The following DLG2 variants were observed in gnomAD, a reference collection of about 807,000 sequenced individuals.
DLG2 encodes disks large homolog 2.
In DLG2, 45 loss-of-function variants were observed where a neutral mutation model predicts 132.5. The observed-to-expected ratio is 0.34, with a 90% CI of 0.27 to 0.44. The LOEUF is 0.44. Ranked by LOEUF, DLG2 falls within the 20% of genes least tolerant of loss-of-function variation. The pLI is 1.00. For missense variants in DLG2, 1,045 were observed against 1,196.9 expected, an observed-to-expected ratio of 0.87 and a Z score of 1.87; for synonymous variants, 424 against 419.6, an observed-to-expected ratio of 1.01 and a Z score of -0.13.
chr11:83,510,152 G>C (rs2094930253), intron 21 of DLG2, among the ~76,000 whole-genome samples: 2 of 152,062 alleles, frequency 1.3e-5, no homozygotes, highest in Admixed American at 6.5e-5. Flanking sequence ...TGACCCTGAT[G>C]GTTCTTTACA....
intron 4 of DLG2, among the ~76,000 whole-genome samples, chr11:85,218,717 A>G (rs1451744912): frequency 2.0e-5 from 3 of 152,204 alleles, no homozygotes; most frequent in Non-Finnish European, 4.4e-5. Context: ...ATTACTAGGT[A>G]TATACCTAAA....
chr11:83,978,111 A>G (rs1406702570), intron 12 of DLG2, among the ~76,000 whole-genome samples: 2 of 152,088 alleles, frequency 1.3e-5, no homozygotes, highest in Admixed American at 1.3e-4. Context: ...ATATCAACAA[A>G]ATGGTAATAA....
chr11:84,367,111 T>C (rs976662191), intron 7 of DLG2, among the ~76,000 whole-genome samples: 1 of 152,062 alleles, frequency 6.6e-6, no homozygotes, highest in African/African-American at 2.4e-5. Context: ...TATAACAAAC[T>C]ATCTCTCAGA....
intron 18 of DLG2, among the ~76,000 whole-genome samples, chr11:83,686,541 C>T (rs2079809658): frequency 6.6e-6 from 1 of 152,034 alleles, no homozygotes; most frequent in South Asian, 2.1e-4. Context: ...AGCACCAGAA[C>T]AGGACTTGCC....
At chr11:84,917,333 G>GT (rs2092531316) in intron 6 of DLG2, among the ~76,000 whole-genome samples, 1 of 152,068 alleles carries the variant, frequency 6.6e-6, no homozygotes, top group African/African-American at 2.4e-5. Flanking sequence ...CAATTTTATT[G>GT]TTTACTTAAT....
At chr11:84,058,344 T>C (rs1307047154) in intron 11 of DLG2, among the ~76,000 whole-genome samples, 1 of 151,380 alleles carries the variant, frequency 6.6e-6, no homozygotes, top group Admixed American at 6.6e-5. Flanking sequence ...AAGAACAGAG[T>C]TCAAAGCATT....
chr11:84,017,645 C>A (rs374688082), intron 11 of DLG2, among the ~76,000 whole-genome samples: 11 of 152,098 alleles, frequency 7.2e-5, no homozygotes, highest in African/African-American at 2.6e-4. Context: ...GTGTTTCACA[C>A]AAAAATTACA....
chr11:84,877,750 A>T (rs571958733), intron 6 of DLG2, among the ~76,000 whole-genome samples: 2 of 152,142 alleles, frequency 1.3e-5, no homozygotes, highest in Admixed American at 1.3e-4. Context: ...TCTGCATAGC[A>T]AAAGAAACTG....
chr11:85,457,317 G>C (rs2092455374), intron 3 of DLG2, among the ~76,000 whole-genome samples: 1 of 151,406 alleles, frequency 6.6e-6, no homozygotes, highest in African/African-American at 2.4e-5. Context: ...CTTTGTTTTG[G>C]GCCTATGAAT....
chr11:85,287,762 T>G (rs1158596813), intron 3 of DLG2, among the ~76,000 whole-genome samples: 1 of 152,028 alleles, frequency 6.6e-6, no homozygotes, highest in Admixed American at 6.6e-5. Context: ...GTGAAATAGA[T>G]AAATTGTGAT....
chr11:85,518,459 A>G (rs2094212871), intron 3 of DLG2, among the ~76,000 whole-genome samples: 1 of 152,196 alleles, frequency 6.6e-6, no homozygotes, highest in South Asian at 2.1e-4. Context: ...TCAACTTAAG[A>G]GAGATGAATG....
At chr11:84,262,592 T>C (rs1001882903) in intron 7 of DLG2, among the ~76,000 whole-genome samples, 1 of 152,138 alleles carries the variant, frequency 6.6e-6, no homozygotes, top group Non-Finnish European at 1.5e-5. Flanking sequence ...GTAAGTTCTT[T>C]AGTGGTGATT....
intron 11 of DLG2, among the ~76,000 whole-genome samples, chr11:84,030,724 T>A (rs1333200546): frequency 6.6e-6 from 1 of 152,070 alleles, no homozygotes; most frequent in Non-Finnish European, 1.5e-5. Flanking sequence ...AAATATGTGA[T>A]AGACTAAGGT....
chr11:85,074,768 C>T (rs2066306736), intron 6 of DLG2, among the ~76,000 whole-genome samples: 2 of 151,760 alleles, frequency 1.3e-5, no homozygotes, highest in South Asian at 2.1e-4. Flanking sequence ...TGCTTTTGTG[C>T]GGAGGAACCA....
At position 83,514,538 on chromosome 11, in the gene DLG2, T is replaced by C. The variant is rs1221011837; in HGVS notation, c.2193+18170A>G. Among the ~76,000 whole-genome samples the C allele has an allele frequency of 5.3e-5, 8 of 152,190 alleles. No homozygotes were observed. In the South Asian group the frequency reaches 1.4e-3, roughly 28 times the overall value. On this transcript the variant is annotated intron_variant, in intron 21 of 27. Coordinates refer to ENST00000376104, the MANE Select transcript of DLG2 (RefSeq NM_001142699.3). ...CCCTTTATTTCCTTCTCCTGCCTGA[T>C]TGCCCTGGCCAGAACTTCCAACACT... is the stretch of plus-strand genomic sequence containing the variant.
intron 6 of DLG2, among the ~76,000 whole-genome samples, chr11:85,015,139 C>T (rs2059464510): frequency 1.3e-5 from 2 of 152,104 alleles, no homozygotes; most frequent in South Asian, 4.1e-4. Flanking sequence ...GAAGTAGATG[C>T]CAAAATTGTG....
In DLG2 at chr11:84,023,804, AATCCTTCTCTTC is replaced by A. The variant is rs1458125185; in HGVS notation, c.919+35499_919+35510del. Among the ~76,000 whole-genome samples, 3 of 152,214 alleles carry A rather than the reference AATCCTTCTCTTC, an allele frequency of 2.0e-5. No individual in the cohort carries two copies. In the East Asian group the frequency reaches 5.8e-4, roughly 29 times the overall value. On this transcript the variant is annotated intron_variant, in intron 11 of 27. Coordinates refer to ENST00000376104, the MANE Select transcript of DLG2 (RefSeq NM_001142699.3). ...GAAAATATCTCAGACAGCAAGACCA[AATCCTTCTCTTC>A]ATCCTTCTCCTTACCTACTCAATGT...
At chr11:84,750,382 G>A (rs1597282977) in intron 6 of DLG2, among the ~76,000 whole-genome samples, 1 of 152,110 alleles carries the variant, frequency 6.6e-6, no homozygotes, top group Admixed American at 6.6e-5. Context: ...GATAAAAAGT[G>A]AGGTTTGAAG....
At chr11:85,021,286 A>C (rs1342644794) in intron 6 of DLG2, 1 of 1,269,658 alleles carries the variant, frequency 7.9e-7, no homozygotes, top group Admixed American at 1.7e-5. Context: ...GTGACTGTAC[A>C]TCCTATCATA....
Sources: allele counts gnomAD v4.1 joint callset (sites outside exome capture counted in the v4.1 genomes callset), GRCh38; gene constraint gnomAD v4.1.1; transcripts MANE v1.5; gene names NCBI Gene and HGNC (gene_info 2026-07-23, HGNC 2026-07-21).